Variants in USP22 observed in about 807,000 individuals in gnomAD.
The protein encoded by USP22 is ubiquitin carboxyl-terminal hydrolase 22.
A neutral mutation model predicts 68.1 loss-of-function variants in USP22; 22 were observed. The ratio of observed to expected loss-of-function variants is 0.32; its 90% confidence interval spans 0.23 to 0.46. USP22 has a LOEUF of 0.46. Ranked by LOEUF, USP22 falls within the 20% of genes least tolerant of loss-of-function variation. The probability of loss-of-function intolerance (pLI) is 1.00; values close to 1 mark genes in which losing one functional copy is unlikely to be tolerated. For missense variants in USP22, 433 were observed against 695.8 expected, an observed-to-expected ratio of 0.62 and a Z score of 4.25; for synonymous variants, 279 against 274.2, an observed-to-expected ratio of 1.02 and a Z score of -0.17.
intron 1 of USP22, among the ~76,000 whole-genome samples, chr17:21,033,675 T>C (rs910918430): frequency 3.9e-5 from 6 of 152,164 alleles, no homozygotes; most frequent in Non-Finnish European, 5.9e-5. Context: ...CTTAGGAAGG[T>C]AAGTTTAATT....
chr17:21,013,264 G>A (rs905246731), intron 6 of USP22, among the ~76,000 whole-genome samples: 2 of 152,194 alleles, frequency 1.3e-5, no homozygotes, highest in African/African-American at 4.8e-5. Flanking sequence ...AATCAATATT[G>A]TTCCAGTGAG....
rs74362522 is a variant in USP22 at position 21,009,240 on chromosome 17, C to G, written c.1104-1244G>C. 9.6e-3 allele frequency among the ~76,000 whole-genome samples: 1,464 copies of G among 152,092 alleles called. 21 individuals carry two copies. Among genetic ancestry groups the G allele is most frequent in the African/African-American group, 0.033 (1,376 of 41,476 alleles). On this transcript the variant is annotated intron_variant, in intron 8 of 12. Transcript: ENST00000261497. The stretch of plus-strand genomic sequence containing the variant: ...GACAAAACCTGCAGAACAGATGATT[C>G]AACAAAGCACACGCCAAATTTTGAA...
chr17:21,034,210 C>T (rs569525063), intron 1 of USP22, among the ~76,000 whole-genome samples: 1 of 152,246 alleles, frequency 6.6e-6, no homozygotes, highest in South Asian at 2.1e-4. Flanking sequence ...TCTAAGGGTA[C>T]AGCGACTCCA....
Position 21,039,295 on chromosome 17 carries a change from G to A in USP22, c.171+3370C>T, listed in dbSNP as rs111840202. Among the ~76,000 whole-genome samples, 63 of 151,570 alleles carry A rather than the reference G, an allele frequency of 4.2e-4. 1 individual carries two copies. The highest frequency in any genetic ancestry group is 1.4e-3 in the African/African-American group (59 of 41,378). On this transcript the variant is annotated intron_variant, in intron 1 of 12. Coordinates refer to ENST00000261497, the MANE Select transcript of USP22 (RefSeq NM_015276.2). ...CAATACAAGAGTTTTATGGCAATTC[G>A]GGCCAGGCGCGGTGGCTCATGCCTG...
At chr17:21,003,596 AG>A (rs1913670053) in intron 12 of USP22, among the ~76,000 whole-genome samples, 1 of 152,130 alleles carries the variant, frequency 6.6e-6, no homozygotes, top group Non-Finnish European at 1.5e-5. Flanking sequence ...TGGAAAGGAG[AG>A]GAGCTGATAA....
intron 11 of USP22, among the ~76,000 whole-genome samples, 178 bp from the exon 12 acceptor site, chr17:21,004,529 C>G (rs78692492): frequency 0.015 from 2,346 of 152,306 alleles, 70 homozygotes; most frequent in African/African-American, 0.054. Context: ...CTGGTCACCC[C>G]CCTTGGCTCT....
chr17:21,007,048 C>T, intron 9 of USP22, 61 bp from the exon 10 acceptor site: 2 of 1,422,192 alleles, frequency 1.4e-6, no homozygotes, highest in South Asian at 1.3e-5. Flanking sequence ...TCACTGGAAG[C>T]TTCAGGGCCT....
chr17:21,040,834 C>G (rs2143665399), intron 1 of USP22, among the ~76,000 whole-genome samples: 1 of 151,928 alleles, frequency 6.6e-6, no homozygotes, highest in African/African-American at 2.4e-5. Context: ...CACTACTGAC[C>G]CAGAGTAGCA....
At chr17:21,022,352 G>C (rs11651500) in intron 2 of USP22, among the ~76,000 whole-genome samples, 24,088 of 151,592 alleles carry the variant, frequency 0.16, 2,411 homozygotes, top group South Asian at 0.24. Flanking sequence ...TGCTTTCTTT[G>C]TTAAAAGTAA....
At chr17:21,042,530 A>G in intron 1 of USP22, 135 bp downstream of exon 1, 2 of 835,740 alleles carry the variant, frequency 2.4e-6, no homozygotes, top group Non-Finnish European at 3.2e-6. Flanking sequence ...GAGAGGGCAG[A>G]AGGAGAGAGG....
intron 6 of USP22, among the ~76,000 whole-genome samples, chr17:21,014,779 A>G (rs1914079934): frequency 6.6e-6 from 1 of 152,220 alleles, no homozygotes; most frequent in African/African-American, 2.4e-5. Context: ...AACTGATAGG[A>G]TATCGGCTAC....
intron 12 of USP22, among the ~76,000 whole-genome samples, chr17:21,003,337 TC>T (rs1411877475): frequency 2.0e-5 from 3 of 152,008 alleles, no homozygotes; most frequent in African/African-American, 7.2e-5. Flanking sequence ...CCACAGCCTC[TC>T]CCCCACTTGT....
At chr17:21,024,615 A>C (rs1972197973) in intron 2 of USP22, among the ~76,000 whole-genome samples, 1 of 152,194 alleles carries the variant, frequency 6.6e-6, no homozygotes, top group Non-Finnish European at 1.5e-5. Context: ...AGTCTTCATG[A>C]CCTCGGATTT....
chr17:21,006,768 G>T, intron 10 of USP22, 128 bp downstream of exon 10: 1 of 637,610 alleles, frequency 1.6e-6, no homozygotes, highest in Non-Finnish European at 2.6e-6. Context: ...CTCCTGAAGT[G>T]CTGGGATTAC....
chr17:21,019,533 G>A (rs1468294876), intron 3 of USP22, among the ~76,000 whole-genome samples: 1 of 152,226 alleles, frequency 6.6e-6, no homozygotes, highest in Non-Finnish European at 1.5e-5. Flanking sequence ...CTTACATGAA[G>A]GATTCTCCCG....
At chr17:21,012,468 T>C (rs74629869) in intron 7 of USP22, among the ~76,000 whole-genome samples, 2,091 of 152,014 alleles carry the variant, frequency 0.014, 50 homozygotes, top group African/African-American at 0.048. Context: ...TCGAAGCACG[T>C]AGAAAAACAA....
chr17:21,033,173 C>T lies in USP22; in HGVS notation c.172-4499G>A, dbSNP rs149244917. Among the ~76,000 whole-genome samples the T allele has an allele frequency of 5.5e-3, 844 of 152,130 alleles. 3 individuals carry two copies. Among genetic ancestry groups the T allele is most frequent in the Non-Finnish European group, 7.5e-3 (510 of 67,984 alleles). ...GCAGAGGCAGGATTCCCCAGGCTGGCGGGTTTTCCTAGAAATTCAACCTAG... is the reference window on the plus strand; with the variant it reads ...GCAGAGGCAGGATTCCCCAGGCTGGTGGGTTTTCCTAGAAATTCAACCTAG... On this transcript the variant is annotated intron_variant, in intron 1 of 12. Transcript: ENST00000261497.
chr17:21,026,330 CTTT>C (rs911207043), intron 2 of USP22, among the ~76,000 whole-genome samples: 2 of 152,086 alleles, frequency 1.3e-5, no homozygotes, highest in Non-Finnish European at 2.9e-5. Context: ...CGTCTCACTT[CTTT>C]TTTACTTTAT....
chr17:21,042,921 T>C lies in USP22; in HGVS notation c.-86A>G. 1.1e-6 allele frequency: 1 copy of C among 914,154 alleles called. No individual in the cohort carries two copies. Among genetic ancestry groups the C allele is most frequent in the Non-Finnish European group, 1.4e-6 (1 of 708,894 alleles). The allele number at this position is 914,154 out of a possible 1,614,324, so 56.6% of individuals were successfully genotyped here. ...CGCGGCGTGGGGGCTGCTCGGCGGC[T>C]GGCCAGGCTGGCCAAGGCCCGGGCG... is the stretch of plus-strand genomic sequence containing the variant. On this transcript the variant is annotated 5_prime_UTR_variant, in exon 1 of 13. Coordinates refer to ENST00000261497, the MANE Select transcript of USP22 (RefSeq NM_015276.2).
Sources: allele counts gnomAD v4.1 joint callset (sites outside exome capture counted in the v4.1 genomes callset), GRCh38; gene constraint gnomAD v4.1.1; transcripts MANE v1.5; gene names NCBI Gene and HGNC (gene_info 2026-07-23, HGNC 2026-07-21).